Variants in SMAD9 observed in about 807,000 individuals in gnomAD.
SMAD9 encodes SMAD family member 9, also known as MAD homolog 9.
A neutral mutation model predicts 46.1 loss-of-function variants in SMAD9; 36 were observed. The ratio of observed to expected loss-of-function variants is 0.78; its 90% CI spans 0.60 to 1.03. SMAD9 has a LOEUF of 1.03. SMAD9 is among the 50% of genes least tolerant of loss of function. The pLI is 0.00. For missense variants in SMAD9, 572 were observed against 599.8 expected (o/e 0.95, Z 0.48); for synonymous variants, 245 against 237.1 (o/e 1.03, Z -0.31).
At position 36,853,506 on chromosome 13, in the gene SMAD9, A is replaced by G. The variant is rs2058092499; in HGVS notation, c.1173T>C (p.Ala391=). The change falls in exon 6 of 7, where the codon GCT becomes GCC. Residue 391 remains alanine (A), a synonymous_variant. Transcript: ENST00000379826. The stretch of plus-strand genomic sequence containing the variant: ...GGTGAACTGACTGGGCCAGGAGCTG[A>G]GCGAAGAGCTGGTTGTTGAAGACCT... ...SLKVFNNQLF[A]QLLAQSVHHG... 1.2e-6 allele frequency: 2 copies of G among 1,614,150 alleles called. No individual in the cohort carries two copies. Among genetic ancestry groups the G allele is most frequent in the South Asian group, 1.1e-5 (1 of 91,086 alleles).
intron 1 of SMAD9, among the ~76,000 whole-genome samples, chr13:36,909,728 T>C (rs2058645283): frequency 6.6e-6 from 1 of 152,184 alleles, no homozygotes. Flanking sequence ...TGTTTCCTCC[T>C]CTGTAAAATG....
At chr13:36,884,563 C>T (rs1035081814) in intron 1 of SMAD9, among the ~76,000 whole-genome samples, 3 of 152,300 alleles carry the variant, frequency 2.0e-5, no homozygotes, top group South Asian at 2.1e-4. Flanking sequence ...AGAAAAGCAG[C>T]GCTGACCACA....
In SMAD9 at chr13:36,879,801, T is replaced by G; in HGVS notation, c.-112A>C. 7.0e-6 allele frequency: 8 copies of G among 1,148,052 alleles called. No individual in the cohort carries two copies. The highest frequency in any genetic ancestry group is 1.5e-5 in the African/African-American group (1 of 66,106). The allele number at this position is 1,148,052 out of a possible 1,614,324, so 71.1% of individuals were successfully genotyped here. A position where few individuals can be genotyped will look rare whatever the true frequency, so the allele number is the denominator to read the frequency against. ...ATAGGGACCAACCCGCCCGTTCTTC[T>G]GGGAGCAGCTGGGACCAATTCAAGT... On this transcript the variant is annotated 5_prime_UTR_variant, in exon 2 of 7. Transcript: ENST00000379826.
chr13:36,901,417 T>C (rs1017926279), intron 1 of SMAD9, among the ~76,000 whole-genome samples: 3 of 149,116 alleles, frequency 2.0e-5, no homozygotes, highest in African/African-American at 7.5e-5. Flanking sequence ...TGGCTTCTTT[T>C]TTGTTTTTTG....
intron 1 of SMAD9, among the ~76,000 whole-genome samples, chr13:36,892,184 A>C (rs1475339774): frequency 6.6e-6 from 1 of 152,216 alleles, no homozygotes; most frequent in Non-Finnish European, 1.5e-5. Flanking sequence ...GGTCAGACAG[A>C]TTAAGGAAAG....
At chr13:36,898,423 A>G (rs1411750243) in intron 1 of SMAD9, among the ~76,000 whole-genome samples, 2 of 152,152 alleles carry the variant, frequency 1.3e-5, no homozygotes, top group East Asian at 3.9e-4. Flanking sequence ...TGAAGCTAGC[A>G]TGACCCTGAT....
chr13:36,907,633 C>T (rs1033483986), intron 1 of SMAD9, among the ~76,000 whole-genome samples: 2 of 152,076 alleles, frequency 1.3e-5, no homozygotes, highest in African/African-American at 4.8e-5. Context: ...TATGATTGCA[C>T]CACTGCACTC....
chr13:36,862,776 G>A (rs1008734311), intron 5 of SMAD9, among the ~76,000 whole-genome samples: 4 of 152,062 alleles, frequency 2.6e-5, no homozygotes, highest in African/African-American at 4.8e-5. Context: ...GGTCTGAATC[G>A]GGACACCTTT....
chr13:36,874,092 T>C (rs1011570763), intron 2 of SMAD9, among the ~76,000 whole-genome samples: 2 of 152,158 alleles, frequency 1.3e-5, no homozygotes, highest in African/African-American at 4.8e-5. Context: ...TCCAAAACTG[T>C]TGTTGAAGAG....
Position 36,852,464 on chromosome 13 carries a change from T to C in SMAD9, c.1260+955A>G, listed in dbSNP as rs78700803. On this transcript the variant is annotated intron_variant, in intron 6 of 6. Coordinates refer to ENST00000379826, the MANE Select transcript of SMAD9 (RefSeq NM_001127217.3). Reference sequence around the variant, plus strand: ...CTTTCACTTCCATATACAAACCCAGTTGTCTTTCCTTCCCACTAAGAAACT... The same window carrying C: ...CTTTCACTTCCATATACAAACCCAGCTGTCTTTCCTTCCCACTAAGAAACT... 5.1e-5 allele frequency: 50 copies of C among 985,410 alleles called. No individual in the cohort carries two copies. The East Asian group carries it at 4.4e-3, about 87-fold the overall frequency. 61.0% of individuals were successfully genotyped at this position (985,410 alleles called of 1,614,324 possible).
In SMAD9 at chr13:36,858,475, C is replaced by T. The variant is rs531601809; in HGVS notation, c.1004-4800G>A. ...CTGGGCTGATAGCAAGGCTGGTCCT[C>T]CAAGACTGCCCCTGATGACCAAGTT... On this transcript the variant is annotated intron_variant, in intron 5 of 6. Transcript: ENST00000379826. Among the ~76,000 whole-genome samples the T allele has an allele frequency of 1.8e-3, 279 of 152,344 alleles. 2 individuals carry two copies. Among genetic ancestry groups the T allele is most frequent in the Non-Finnish European group, 2.0e-3 (134 of 68,026 alleles).
chr13:36,888,840 C>G (rs2058468523), intron 1 of SMAD9, among the ~76,000 whole-genome samples: 1 of 152,094 alleles, frequency 6.6e-6, no homozygotes, highest in Non-Finnish European at 1.5e-5. Context: ...TCCTTTGAAC[C>G]CTTTTAATAT....
At position 36,853,978 on chromosome 13, in the gene SMAD9, G is replaced by T. The variant is rs59487406; in HGVS notation, c.1004-303C>A. On this transcript the variant is annotated intron_variant, in intron 5 of 6. Coordinates refer to ENST00000379826, the MANE Select transcript of SMAD9 (RefSeq NM_001127217.3). ...GTTCAAGACTAGCCTGGCCAACACA[G>T]TGAAACCCCTTCTCTACTAAAAATA... is the stretch of plus-strand genomic sequence containing the variant. Among the ~76,000 whole-genome samples the T allele has an allele frequency of 4.4e-3, 667 of 152,206 alleles. 6 individuals are homozygous for T. The highest frequency in any genetic ancestry group is 0.015 in the African/African-American group (631 of 41,532).
chr13:36,905,931 A>G (rs2058617127), intron 1 of SMAD9, among the ~76,000 whole-genome samples: 1 of 152,062 alleles, frequency 6.6e-6, no homozygotes, highest in South Asian at 2.1e-4. Flanking sequence ...TCAGCCTCCC[A>G]AAGTGCTAGT....
At chr13:36,849,932 T>C (rs2138260146) in intron 6 of SMAD9, 1 of 152,134 alleles carries the variant, frequency 6.6e-6, no homozygotes, top group East Asian at 1.9e-4. Flanking sequence ...CACTGAAATG[T>C]CTTCCACCTT....
intron 3 of SMAD9, among the ~76,000 whole-genome samples, chr13:36,870,872 T>G (rs2058286302): frequency 6.6e-6 from 1 of 152,156 alleles, no homozygotes; most frequent in African/African-American, 2.4e-5. Context: ...CAACAGTAGA[T>G]CTGATCACAG....
chr13:36,914,097 T>C (rs2058681046), intron 1 of SMAD9, among the ~76,000 whole-genome samples: 1 of 152,188 alleles, frequency 6.6e-6, no homozygotes, highest in Non-Finnish European at 1.5e-5. Context: ...GTGCCTTTCA[T>C]ACTACTAACA....
At chr13:36,886,357 A>T (rs1396082766) in intron 1 of SMAD9, among the ~76,000 whole-genome samples, 1 of 152,236 alleles carries the variant, frequency 6.6e-6, no homozygotes, top group African/African-American at 2.4e-5. Flanking sequence ...CCTGAGCTGT[A>T]CTGAAATGCA....
chr13:36,850,792 G>A (rs1181240964), intron 6 of SMAD9, among the ~76,000 whole-genome samples: 6 of 152,136 alleles, frequency 3.9e-5, no homozygotes, highest in South Asian at 4.1e-4. Flanking sequence ...CTCTCTCCCC[G>A]AATCCAGACT....
Sources: gnomAD v4.1 joint callset for allele counts (sites outside exome capture counted in the v4.1 genomes callset) on GRCh38, gnomAD v4.1.1 for gene constraint, MANE v1.5 for transcripts, NCBI Gene and HGNC (gene_info 2026-07-23, HGNC 2026-07-21) for gene names.